Variants in AUTS2 observed in about 807,000 individuals in gnomAD.
AUTS2 encodes activator of transcription and developmental regulator AUTS2, also known as autism susceptibility gene 2 protein.
A neutral mutation model predicts 112.4 loss-of-function variants in AUTS2; 17 were observed. The ratio of observed to expected loss-of-function variants is 0.15; its 90% CI spans 0.10 to 0.23. AUTS2 has a LOEUF of 0.23. AUTS2 is among the 10% of genes least tolerant of loss of function. The pLI is 1.00. For missense variants in AUTS2, 1,510 were observed against 1,701.6 expected (o/e 0.89, Z 1.98); for synonymous variants, 751 against 702.7 (o/e 1.07, Z -1.09).
chr7:69,806,286 A>G (rs957490371), intron 1 of AUTS2, among the ~76,000 whole-genome samples: 1 of 145,648 alleles, frequency 6.9e-6, no homozygotes, highest in Non-Finnish European at 1.5e-5. Context: ...ACAAAACTCA[A>G]TTTTTTTTAC....
At chr7:69,782,208 G>C (rs1406390143) in intron 1 of AUTS2, among the ~76,000 whole-genome samples, 1 of 151,928 alleles carries the variant, frequency 6.6e-6, no homozygotes, top group African/African-American at 2.4e-5. Flanking sequence ...CTACTAAAAA[G>C]AGAGATCAGC....
intron 4 of AUTS2, among the ~76,000 whole-genome samples, chr7:70,251,704 G>T (rs775300648): frequency 1.3e-5 from 2 of 152,102 alleles, no homozygotes; most frequent in Non-Finnish European, 2.9e-5. Flanking sequence ...CAGTTTGCTT[G>T]TTGGCTCTTC....
intron 4 of AUTS2, among the ~76,000 whole-genome samples, chr7:70,210,444 G>A (rs547406659): frequency 2.6e-5 from 4 of 152,240 alleles, no homozygotes; most frequent in African/African-American, 9.6e-5. Flanking sequence ...CCCAGATAAG[G>A]CACCCACTTT....
chr7:70,256,156 G>A (rs1472068382), intron 4 of AUTS2, among the ~76,000 whole-genome samples: 1 of 152,174 alleles, frequency 6.6e-6, no homozygotes, highest in African/African-American at 2.4e-5. Flanking sequence ...AGTCCCTGAA[G>A]ATGAATCCTG....
intron 5 of AUTS2, among the ~76,000 whole-genome samples, chr7:70,543,195 A>G (rs970071307): frequency 6.6e-6 from 1 of 152,166 alleles, no homozygotes; most frequent in Non-Finnish European, 1.5e-5. Context: ...GGAGTATTAT[A>G]AAGAGCTCTA....
intron 6 of AUTS2, among the ~76,000 whole-genome samples, chr7:70,709,847 C>G (rs1003506199): frequency 5.9e-5 from 9 of 152,182 alleles, no homozygotes; most frequent in African/African-American, 2.2e-4. Context: ...GTAGCCGATA[C>G]CAGGACTTCA....
At chr7:70,373,278 T>C (rs1445457906) in intron 4 of AUTS2, among the ~76,000 whole-genome samples, 1 of 152,038 alleles carries the variant, frequency 6.6e-6, no homozygotes, top group Non-Finnish European at 1.5e-5. Flanking sequence ...CATTTGGGAT[T>C]TCAGGGAGGT....
At chr7:70,462,270 T>C in intron 5 of AUTS2, among the ~76,000 whole-genome samples, 1 of 151,728 alleles carries the variant, frequency 6.6e-6, no homozygotes. Flanking sequence ...AAAAACAAAA[T>C]AAAAATAATA....
At chr7:70,087,118 C>T (rs1803648028) in intron 2 of AUTS2, among the ~76,000 whole-genome samples, 1 of 151,804 alleles carries the variant, frequency 6.6e-6, no homozygotes, top group African/African-American at 2.4e-5. Context: ...CTGCACATAC[C>T]TTTATCAGTT....
At chr7:70,769,975 A>G (rs1326846683) in intron 10 of AUTS2, among the ~76,000 whole-genome samples, 2 of 152,210 alleles carry the variant, frequency 1.3e-5, no homozygotes. Flanking sequence ...AATTGTAAAC[A>G]TTAAAGGGAA....
At chr7:70,073,439 A>C (rs1482773715) in intron 2 of AUTS2, among the ~76,000 whole-genome samples, 5 of 147,422 alleles carry the variant, frequency 3.4e-5, no homozygotes, top group African/African-American at 1.0e-4. Context: ...TGAACCCAGG[A>C]GGTGGAGGCT....
chr7:70,552,802 A>G (rs1469856534), intron 5 of AUTS2, among the ~76,000 whole-genome samples: 1 of 152,226 alleles, frequency 6.6e-6, no homozygotes, highest in Non-Finnish European at 1.5e-5. Context: ...GAGTAACAGG[A>G]AGTGAATGAA....
chr7:70,346,115 T>G (rs373014485), intron 4 of AUTS2, among the ~76,000 whole-genome samples: 2 of 152,240 alleles, frequency 1.3e-5, no homozygotes, highest in African/African-American at 2.4e-5. Context: ...AACTATTTAT[T>G]AAGCATTATT....
chr7:70,575,090 C>T (rs1001090959), intron 5 of AUTS2, among the ~76,000 whole-genome samples: 6 of 152,188 alleles, frequency 3.9e-5, no homozygotes, highest in Admixed American at 3.9e-4. Flanking sequence ...AGGACTGGGA[C>T]CTGCAGACAG....
At chr7:70,318,081 G>A (rs555871317) in intron 4 of AUTS2, among the ~76,000 whole-genome samples, 1 of 152,282 alleles carries the variant, frequency 6.6e-6, no homozygotes, top group Admixed American at 6.5e-5. Flanking sequence ...CAAGGATTAT[G>A]TGGGGATCCC....
intron 2 of AUTS2, among the ~76,000 whole-genome samples, chr7:70,011,330 C>CTCTCCTCTCG (rs1799796358): frequency 6.9e-6 from 1 of 145,460 alleles, no homozygotes; most frequent in Non-Finnish European, 1.5e-5. Context: ...CTCTCCTCTC[C>CTCTCCTCTCG]TCTCCTCTCC....
chr7:70,777,387 G>A lies in AUTS2; in HGVS notation c.2004+213G>A, dbSNP rs73437372. 3.0e-3 allele frequency among the ~76,000 whole-genome samples: 451 copies of A among 151,870 alleles called. 2 individuals carry two copies. Among genetic ancestry groups the A allele is most frequent in the African/African-American group, 0.011 (438 of 41,396 alleles). On this transcript the variant is annotated intron_variant, in intron 14 of 18. Transcript: ENST00000342771. ...TCTGTTGCCCAGGCTGGAGTACAAGGGGACAATCATAGCTCACCACAGCCT... is the reference window on the plus strand; with the variant it reads ...TCTGTTGCCCAGGCTGGAGTACAAGAGGACAATCATAGCTCACCACAGCCT...
intron 4 of AUTS2, among the ~76,000 whole-genome samples, chr7:70,327,686 CTCAAAATGCAAT>C (rs1178776586): frequency 2.6e-5 from 4 of 152,168 alleles, no homozygotes; most frequent in Non-Finnish European, 5.9e-5. Context: ...GTAATCATCC[CTCAAAATGCAAT>C]ACAGGTGTGG....
At chr7:70,767,411 T>C (rs1790011684) in intron 9 of AUTS2, among the ~76,000 whole-genome samples, 1 of 152,198 alleles carries the variant, frequency 6.6e-6, no homozygotes, top group African/African-American at 2.4e-5. Flanking sequence ...AACAATTAGA[T>C]TTTGAAGATC....
Sources: gnomAD v4.1 joint callset for allele counts (sites outside exome capture counted in the v4.1 genomes callset) on GRCh38, gnomAD v4.1.1 for gene constraint, MANE v1.5 for transcripts, NCBI Gene and HGNC (gene_info 2026-07-23, HGNC 2026-07-21) for gene names.